Variants in KIF1B observed in about 807,000 individuals in gnomAD.
The protein encoded by KIF1B is kinesin family member 1B.
KIF1B carries 76 observed loss-of-function variants against 241.9 expected under a neutral mutation model. The observed-to-expected ratio is 0.31, with a 90% CI of 0.26 to 0.38. The LOEUF (loss-of-function observed/expected upper bound fraction) is 0.38. KIF1B is among the 10% of genes least tolerant of loss of function. The pLI is 1.00. For synonymous variants in KIF1B, 750 were observed against 796.7 expected (o/e 0.94, Z 0.99); for missense variants, 1,622 against 2,271.4 (o/e 0.71, Z 5.81).
intron 3 of KIF1B, among the ~76,000 whole-genome samples, 169 bp downstream of exon 3, chr1:10,256,492 T>G (rs1382747547): frequency 5.9e-5 from 9 of 152,106 alleles, no homozygotes; most frequent in Admixed American, 5.9e-4. Flanking sequence ...ATAAAGTATT[T>G]GGGTTGATGG....
At chr1:10,305,712 A>G in intron 22 of KIF1B, 1 of 1,057,830 alleles carries the variant, frequency 9.5e-7, no homozygotes, top group Non-Finnish European at 1.1e-6. Flanking sequence ...AGTCCTGATG[A>G]TGATTTATTG....
chr1:10,338,358 G>A (rs1569855529), intron 31 of KIF1B, among the ~76,000 whole-genome samples: 1 of 152,162 alleles, frequency 6.6e-6, no homozygotes, highest in Non-Finnish European at 1.5e-5. Flanking sequence ...TGAGTCAAAT[G>A]TGATTTAAAT....
chr1:10,304,651 A>T, intron 22 of KIF1B: 1 of 1,613,700 alleles, frequency 6.2e-7, no homozygotes, highest in Non-Finnish European at 8.5e-7. Flanking sequence ...AGTATAAATC[A>T]GTTACTGGAC....
At position 10,360,950 on chromosome 1, in the gene KIF1B, T is replaced by C; in HGVS notation, c.4077T>C (p.Ala1359=). The C allele has an allele frequency of 4.3e-6, 7 of 1,613,870 alleles. No individual in the cohort carries two copies. The highest frequency in any genetic ancestry group is 4.2e-6 in the Non-Finnish European group (5 of 1,179,754). The stretch of plus-strand genomic sequence containing the variant: ...TTAGGACCTTCTACCGCTTTGAGGC[T>C]GTGTGGGATAGCTCTCTGCATAACT... The part of the protein sequence containing the change: ...NSSRTFYRFE[A]VWDSSLHNSL... The change falls in exon 39 of 49, where the codon GCT becomes GCC. Residue 1359 remains alanine, a synonymous_variant. Coordinates refer to ENST00000676179, the MANE Select transcript of KIF1B (RefSeq NM_001365951.3).
chr1:10,372,661 GA>G (rs1234832012), intron 45 of KIF1B, among the ~76,000 whole-genome samples: 27 of 120,538 alleles, frequency 2.2e-4, no homozygotes, highest in Middle Eastern at 4.5e-3. Flanking sequence ...TTGGGTGACA[GA>G]GCTGTCACCC....
intron 22 of KIF1B, among the ~76,000 whole-genome samples, chr1:10,313,645 G>C (rs933551831): frequency 2.7e-5 from 4 of 147,810 alleles, no homozygotes; most frequent in Non-Finnish European, 4.4e-5. Flanking sequence ...CCGCCTCCTG[G>C]GTTCACACCA....
At chr1:10,289,274 C>T (rs1028261007) in intron 15 of KIF1B, among the ~76,000 whole-genome samples, 1 of 152,300 alleles carries the variant, frequency 6.6e-6, no homozygotes. Context: ...TGTGAATACT[C>T]CAGTTCTAGC....
chr1:10,365,733 G>C lies in KIF1B; in HGVS notation c.4752+85G>C. 9.6e-6 allele frequency: 15 copies of C among 1,565,142 alleles called. No individual in the cohort carries two copies. The highest frequency in any genetic ancestry group is 1.3e-5 in the Non-Finnish European group (15 of 1,144,556). On this transcript the variant is annotated intron_variant, in intron 43 of 48. Transcript: ENST00000676179. The surrounding 1 kb of genome is among the most constrained non-coding windows in gnomAD (Gnocchi z 4.0). ...CGGTTTATTCATTTTCAACACCTTT[G>C]TTCGAGGTGTTTGAAGGCCTGTGAT...
chr1:10,278,643 T>A (rs929160400), intron 13 of KIF1B: 3 of 182,760 alleles, frequency 1.6e-5, no homozygotes, highest in Non-Finnish European at 3.5e-5. Context: ...TATGAACATA[T>A]GAAGGGGAAA....
chr1:10,314,182 A>G lies in KIF1B; in HGVS notation c.2116-5861A>G, dbSNP rs145761336. Among the ~76,000 whole-genome samples the G allele has an allele frequency of 7.5e-3, 1,131 of 151,064 alleles. 50 individuals are homozygous for G. Among genetic ancestry groups the G allele is most frequent in the African/African-American group, 0.026 (1,043 of 40,670 alleles). ...CAGGCATGAGCCACCGCGTCCAGCC[A>G]AAATATATTATTTTTTAATGTGCCT... On this transcript the variant is annotated intron_variant, in intron 22 of 48. Transcript: ENST00000676179.
intron 15 of KIF1B, among the ~76,000 whole-genome samples, chr1:10,287,939 T>C (rs934000907): frequency 8.5e-5 from 13 of 152,226 alleles, no homozygotes; most frequent in Non-Finnish European, 1.6e-4. Context: ...TAATAAGTAC[T>C]AGTCAAGATG....
At chr1:10,334,370 G>A in intron 27 of KIF1B, 150 bp from the exon 28 acceptor site, 1 of 736,840 alleles carries the variant, frequency 1.4e-6, no homozygotes, top group Non-Finnish European at 2.5e-6. Flanking sequence ...GGCAGCTGGA[G>A]GCAAATCTGA....
At chr1:10,329,772 G>T (rs984590341) in intron 27 of KIF1B, among the ~76,000 whole-genome samples, 25 of 152,120 alleles carry the variant, frequency 1.6e-4, no homozygotes, top group African/African-American at 6.0e-4. Flanking sequence ...AATTCCATTA[G>T]TAAGTTTGTT....
intron 11 of KIF1B, 78 bp from the exon 12 acceptor site, chr1:10,276,243 A>C: frequency 1.1e-6 from 1 of 931,912 alleles, no homozygotes; most frequent in Non-Finnish European, 1.8e-6. Context: ...CTGAGATTAC[A>C]ATATCAGATT....
chr1:10,361,647 G>A, intron 39 of KIF1B, 45 bp from the exon 40 acceptor site: 2 of 1,610,724 alleles, frequency 1.2e-6, no homozygotes, highest in South Asian at 1.1e-5. Flanking sequence ...TCTAGTCACA[G>A]TACTCTGCCT....
chr1:10,289,091 ATCATCTGACTTTCTTAC>A (rs1649859362), intron 15 of KIF1B, among the ~76,000 whole-genome samples: 1 of 152,218 alleles, frequency 6.6e-6, no homozygotes, highest in Non-Finnish European at 1.5e-5. Context: ...TTTCATTATC[ATCATCTGACTTTCTTAC>A]TTCATCTCCA....
At position 10,267,365 on chromosome 1, in the gene KIF1B, C is replaced by T. The variant is rs368307458; in HGVS notation, c.430-15C>T. 2.5e-6 allele frequency: 4 copies of T among 1,612,394 alleles called. No individual in the cohort carries two copies. In the African/African-American group the frequency reaches 4.0e-5, roughly 16 times the overall value. Reference sequence around the variant, plus strand: ...TTCTTTTTCACTCTAATTCACTTTACTAATTTGTTCATAGGTGAGCTACAT... The same window carrying T: ...TTCTTTTTCACTCTAATTCACTTTATTAATTTGTTCATAGGTGAGCTACAT... On this transcript the variant is annotated splice_polypyrimidine_tract_variant and intron_variant, in intron 5 of 48. Transcript: ENST00000676179.
chr1:10,223,723 T>G (rs1021750401), intron 1 of KIF1B, among the ~76,000 whole-genome samples: 2 of 151,900 alleles, frequency 1.3e-5, no homozygotes, highest in Admixed American at 1.3e-4. Flanking sequence ...TTTTTGTATT[T>G]CTAGTAGAAA....
chr1:10,296,290 T>C (rs1650258751), intron 19 of KIF1B, among the ~76,000 whole-genome samples: 1 of 152,236 alleles, frequency 6.6e-6, no homozygotes, highest in Non-Finnish European at 1.5e-5. Flanking sequence ...CTGATGGTTC[T>C]GAGTTTTATT....
Sources: gnomAD v4.1 joint callset for allele counts (sites outside exome capture counted in the v4.1 genomes callset) on GRCh38, gnomAD v4.1.1 for gene constraint, Gnocchi (gnomAD v3.1) non-coding constraint, MANE v1.5 for transcripts, NCBI Gene and HGNC (gene_info 2026-07-23, HGNC 2026-07-21) for gene names.